Variants in GNS observed in about 807,000 individuals in gnomAD.
GNS encodes N-acetylglucosamine-6-sulfatase.
Under a neutral mutation model 69.7 loss-of-function variants are expected in GNS, and 40 were observed. The ratio of observed to expected loss-of-function variants is 0.57; its 90% CI spans 0.45 to 0.75. The LOEUF (loss-of-function observed/expected upper bound fraction) is 0.75. Ranked by LOEUF, GNS falls within the 30% of genes least tolerant of loss-of-function variation. The pLI, the probability that GNS is intolerant of heterozygous loss-of-function variation, is 0.00. For missense variants in GNS, 565 were observed against 685.5 expected (o/e 0.82, Z 1.96); for synonymous variants, 243 against 251.6 (o/e 0.97, Z 0.32).
chr12:64,719,900 C>G, intron 13 of GNS, 122 bp downstream of exon 13: 1 of 759,120 alleles, frequency 1.3e-6, no homozygotes, highest in Non-Finnish European at 2.4e-6. Context: ...AATTAGAACA[C>G]AGTATTCCCT....
At chr12:64,722,984 G>A (rs367592661) in intron 11 of GNS, 22 bp downstream of exon 11, 85 of 1,385,988 alleles carry the variant, frequency 6.1e-5, no homozygotes, top group South Asian at 5.9e-4. Context: ...AGCTGTCTAA[G>A]TTGATTCAAG....
At position 64,737,022 on chromosome 12, in the gene GNS, T is replaced by G; in HGVS notation, c.1080A>C (p.Lys360Asn). Residue 360 changes from lysine (K) to asparagine (N), a missense_variant, in exon 9 of 14, where the codon AAA (lysine) becomes AAC (asparagine). By Grantham distance (94) the Lys-to-Asn change is moderately conservative (BLOSUM62 0). Coordinates refer to ENST00000258145, the MANE Select transcript of GNS (RefSeq NM_002076.4). ...CACCTACCTTGCTTGTCTGATTTGG[T>G]TTGATCCCAGGTCCTCGAACCAACA... ...VPLLVRGPGIKPNQTSKMLVA... is the reference protein window; with the variant it reads ...VPLLVRGPGINPNQTSKMLVA... 1.3e-6 allele frequency: 2 copies of G among 1,578,990 alleles called. No individual in the cohort carries two copies. The highest frequency in any genetic ancestry group is 1.7e-6 in the Non-Finnish European group (2 of 1,147,940).
intron 10 of GNS, among the ~76,000 whole-genome samples, chr12:64,727,350 C>A (rs2136239773): frequency 9.9e-6 from 1 of 100,748 alleles, no homozygotes; most frequent in South Asian, 4.0e-4. Context: ...GTGGGAGGAT[C>A]CTCTGAGCGT....
intron 1 of GNS, among the ~76,000 whole-genome samples, chr12:64,756,014 T>C (rs182210455): frequency 2.6e-5 from 4 of 152,298 alleles, no homozygotes; most frequent in Admixed American, 2.0e-4. Context: ...AAGAACAGTG[T>C]GTCCACCACA....
In GNS at chr12:64,730,935, G is replaced by C. The variant is rs527237318; in HGVS notation, c.1099-1878C>G. On this transcript the variant is annotated intron_variant, in intron 9 of 13. Coordinates refer to ENST00000258145, the MANE Select transcript of GNS (RefSeq NM_002076.4). ...CCTCAGATACTACTATGATGTCCAA[G>C]GCAGTTTTAAAAGAAAAGAGGAAAC... is the stretch of plus-strand genomic sequence containing the variant. Among the ~76,000 whole-genome samples the C allele has an allele frequency of 3.3e-5, 5 of 152,216 alleles. No individual in the cohort carries two copies. In the South Asian group the frequency reaches 6.2e-4, roughly 19 times the overall value.
chr12:64,721,476 A>G, intron 12 of GNS, 119 bp downstream of exon 12: 1 of 731,736 alleles, frequency 1.4e-6, no homozygotes, highest in African/African-American at 1.7e-5. Context: ...AAGCACAGAT[A>G]AGAAACACAA....
At chr12:64,726,332 GA>G (rs991993218) in intron 10 of GNS, among the ~76,000 whole-genome samples, 29 of 139,624 alleles carry the variant, frequency 2.1e-4, no homozygotes, top group African/African-American at 3.9e-4. Context: ...TATCTATAGA[GA>G]AAAAAAAAAA....
intron 3 of GNS, chr12:64,746,212 TCCACACAGCCTACC>T (rs58549054): frequency 0.054 from 10,643 of 197,152 alleles, 1,260 homozygotes; most frequent in African/African-American, 0.24. Context: ...ACAGAAAAAG[TCCACACAGCCTACC>T]CCACACAGCC....
chr12:64,745,945 CTT>C (rs1440325165), intron 3 of GNS: 8 of 544,724 alleles, frequency 1.5e-5, no homozygotes, highest in Non-Finnish European at 2.0e-5. Flanking sequence ...GGCCTGATGA[CTT>C]TTGTATGAAC....
At chr12:64,753,628 T>C (rs1231860246) in intron 1 of GNS, among the ~76,000 whole-genome samples, 1 of 152,220 alleles carries the variant, frequency 6.6e-6, no homozygotes, top group Non-Finnish European at 1.5e-5. Context: ...TGTGCAATAA[T>C]TCCTTAAAGA....
chr12:64,719,041 T>C (rs1052503647), intron 13 of GNS, among the ~76,000 whole-genome samples: 5 of 152,224 alleles, frequency 3.3e-5, no homozygotes, highest in African/African-American at 1.2e-4. Context: ...AGTTATTTCA[T>C]TTAAGTGATA....
intron 1 of GNS, among the ~76,000 whole-genome samples, chr12:64,758,616 C>A (rs984891863): frequency 2.0e-5 from 3 of 152,128 alleles, no homozygotes; most frequent in African/African-American, 7.2e-5. Flanking sequence ...ACACACCGCG[C>A]CCGGCCCAGG....
At chr12:64,754,898 A>AC (rs1410270987) in intron 1 of GNS, among the ~76,000 whole-genome samples, 9 of 151,004 alleles carry the variant, frequency 6.0e-5, no homozygotes, top group South Asian at 2.1e-4. Flanking sequence ...TCCAAAAAAA[A>AC]AAAAAAGAAG....
chr12:64,755,819 C>A (rs1870233437), intron 1 of GNS, among the ~76,000 whole-genome samples: 1 of 151,302 alleles, frequency 6.6e-6, no homozygotes, highest in Admixed American at 6.6e-5. Flanking sequence ...GCTGGGACTA[C>A]AGGCACGCAC....
At chr12:64,758,911 A>C (rs1297468694) in intron 1 of GNS, among the ~76,000 whole-genome samples, 174 bp downstream of exon 1, 1 of 152,214 alleles carries the variant, frequency 6.6e-6, no homozygotes, top group African/African-American at 2.4e-5. Context: ...CAGAAAGGAA[A>C]AGAGTATTGC....
chr12:64,744,956 T>C (rs1335966689), intron 4 of GNS, 49 bp from the exon 5 acceptor site: 2 of 840,770 alleles, frequency 2.4e-6, no homozygotes, highest in African/African-American at 3.3e-5. Context: ...GTGCACAAAG[T>C]GGAAGTCTGA....
chr12:64,727,616 C>T (rs1230394813), intron 10 of GNS, among the ~76,000 whole-genome samples: 2 of 152,074 alleles, frequency 1.3e-5, no homozygotes, highest in South Asian at 2.1e-4. Flanking sequence ...AAACACTATG[C>T]TCAGTGAAAA....
chr12:64,721,432 G>C (rs533391309), intron 12 of GNS, among the ~76,000 whole-genome samples, 163 bp downstream of exon 12: 1 of 152,308 alleles, frequency 6.6e-6, no homozygotes, highest in South Asian at 2.1e-4. Flanking sequence ...AGAGAAGTGA[G>C]ACATGGCCTT....
chr12:64,720,558 G>C (rs776724701), intron 12 of GNS, among the ~76,000 whole-genome samples: 55 of 152,196 alleles, frequency 3.6e-4, no homozygotes, highest in Non-Finnish European at 7.2e-4. Context: ...TGGCAATAAA[G>C]TTACTAAAGT....
Sources: allele counts gnomAD v4.1 joint callset (sites outside exome capture counted in the v4.1 genomes callset), GRCh38; gene constraint gnomAD v4.1.1; transcripts MANE v1.5; gene names NCBI Gene and HGNC (gene_info 2026-07-23, HGNC 2026-07-21).